Variants in PXDNL observed in about 807,000 individuals in gnomAD.
The protein encoded by PXDNL is probable oxidoreductase PXDNL.
In PXDNL, 145 loss-of-function variants were observed where a neutral mutation model predicts 150.8. The ratio of observed to expected loss-of-function variants is 0.96; its 90% CI spans 0.84 to 1.10. PXDNL has a LOEUF of 1.10. Among genes scored for constraint, PXDNL ranks in the 50% least tolerant of loss-of-function variants. The pLI is 0.00. For missense variants in PXDNL, 2,087 were observed against 1,873.9 expected (o/e 1.11, Z -2.10); for synonymous variants, 757 against 725.7 (o/e 1.04, Z -0.69).
At chr8:51,402,801 G>A (rs536353136) in intron 17 of PXDNL, among the ~76,000 whole-genome samples, 1 of 151,746 alleles carries the variant, frequency 6.6e-6, no homozygotes, top group East Asian at 2.0e-4. Flanking sequence ...GTGTAATCAC[G>A]CCTGTAATCC....
intron 14 of PXDNL, among the ~76,000 whole-genome samples, chr8:51,421,408 A>C (rs1043197088): frequency 2.0e-5 from 3 of 152,190 alleles, no homozygotes; most frequent in African/African-American, 4.8e-5. Context: ...TGTAACGTTA[A>C]GAAACTTTAG....
chr8:51,431,640 C>T (rs960657724), intron 12 of PXDNL, among the ~76,000 whole-genome samples: 1 of 152,150 alleles, frequency 6.6e-6, no homozygotes, highest in Non-Finnish European at 1.5e-5. Context: ...TCTATAATAT[C>T]GCTCATAGCT....
At chr8:51,330,219 G>T (rs1251669030) in intron 21 of PXDNL, among the ~76,000 whole-genome samples, 2 of 152,082 alleles carry the variant, frequency 1.3e-5, no homozygotes, top group Middle Eastern at 3.2e-3. Context: ...AGATAGCTGG[G>T]CATCCCATGA....
At chr8:51,702,897 C>T (rs1179389493) in intron 1 of PXDNL, among the ~76,000 whole-genome samples, 1 of 152,178 alleles carries the variant, frequency 6.6e-6, no homozygotes, top group Non-Finnish European at 1.5e-5. Context: ...TCTATTTCAA[C>T]ATAATCTATT....
intron 21 of PXDNL, among the ~76,000 whole-genome samples, chr8:51,326,172 G>T (rs548864477): frequency 6.6e-6 from 1 of 152,102 alleles, no homozygotes; most frequent in East Asian, 1.9e-4. Flanking sequence ...TGTTTTAAAC[G>T]TGATATCCAG....
intron 5 of PXDNL, among the ~76,000 whole-genome samples, chr8:51,499,006 T>C (rs1811119998): frequency 6.6e-6 from 1 of 152,170 alleles, no homozygotes; most frequent in Admixed American, 6.5e-5. Flanking sequence ...GCTGCTGCAA[T>C]ACAAGAACAC....
chr8:51,617,923 C>T (rs567536203), intron 2 of PXDNL, among the ~76,000 whole-genome samples: 3 of 152,340 alleles, frequency 2.0e-5, no homozygotes, highest in Admixed American at 6.5e-5. Flanking sequence ...TGCATGCAGG[C>T]GCACACGCAC....
intron 14 of PXDNL, among the ~76,000 whole-genome samples, chr8:51,417,619 CT>C (rs1369038509): frequency 6.6e-6 from 1 of 152,148 alleles, no homozygotes. Context: ...TATCCTCCCC[CT>C]TTTTCCCCCT....
Position 51,500,633 on chromosome 8 carries a change from A to G in PXDNL, c.381-863T>C, listed in dbSNP as rs537772115. On this transcript the variant is annotated intron_variant, in intron 4 of 22. Transcript: ENST00000356297. Reference sequence around the variant, plus strand: ...TTTTTCAAACAATCTCAGTGAAACCAACAGTGATATATAGCAGTCTATAGT... The same window carrying G: ...TTTTTCAAACAATCTCAGTGAAACCGACAGTGATATATAGCAGTCTATAGT... 2.0e-5 allele frequency among the ~76,000 whole-genome samples: 3 copies of G among 152,334 alleles called. No homozygotes were observed. The East Asian group carries it at 5.8e-4, about 29-fold the overall frequency.
At chr8:51,528,895 A>G (rs980113271) in intron 4 of PXDNL, among the ~76,000 whole-genome samples, 2 of 152,218 alleles carry the variant, frequency 1.3e-5, no homozygotes, top group Non-Finnish European at 2.9e-5. Context: ...GCATCCAGAA[A>G]GGAGCACACC....
chr8:51,359,341 TAAAC>T (rs1025105301), intron 19 of PXDNL, among the ~76,000 whole-genome samples: 2 of 152,190 alleles, frequency 1.3e-5, no homozygotes, highest in Non-Finnish European at 2.9e-5. Context: ...TCATAAAACT[TAAAC>T]AGATGATCAG....
At position 51,800,605 on chromosome 8, in the gene PXDNL, C is replaced by T. The variant is rs552236162; in HGVS notation, c.164+8576G>A. ...TGAACGGAGGGACCAGCTGGAGCCA[C>T]GGCAGAGGAACATAAATTGTGAAGA... is the stretch of plus-strand genomic sequence containing the variant. On this transcript the variant is annotated intron_variant, in intron 1 of 22. Transcript: ENST00000356297. Among the ~76,000 whole-genome samples the T allele has an allele frequency of 2.8e-4, 42 of 152,242 alleles. 1 individual carries two copies. The highest frequency in any genetic ancestry group is 8.5e-4 in the Admixed American group (13 of 15,296).
intron 1 of PXDNL, among the ~76,000 whole-genome samples, chr8:51,750,611 C>A (rs1217727525): frequency 6.6e-6 from 1 of 152,038 alleles, no homozygotes; most frequent in African/African-American, 2.4e-5. Flanking sequence ...CAGTGTAAAC[C>A]CAGGATAACA....
intron 1 of PXDNL, among the ~76,000 whole-genome samples, chr8:51,739,013 C>T (rs979933662): frequency 6.6e-6 from 1 of 152,064 alleles, no homozygotes; most frequent in African/African-American, 2.4e-5. Flanking sequence ...CAAATCAAAC[C>T]CAGCAAATAT....
At chr8:51,327,994 TG>T (rs1160944686) in intron 21 of PXDNL, among the ~76,000 whole-genome samples, 1 of 152,216 alleles carries the variant, frequency 6.6e-6, no homozygotes. Context: ...GAGTCAGCTT[TG>T]GGAGTGCTTT....
At chr8:51,596,999 T>C (rs990804189) in intron 2 of PXDNL, among the ~76,000 whole-genome samples, 2 of 152,160 alleles carry the variant, frequency 1.3e-5, no homozygotes, top group Non-Finnish European at 2.9e-5. Flanking sequence ...GCCCAGATGG[T>C]ATTTCGTAGG....
At chr8:51,770,139 C>A (rs2037277248) in intron 1 of PXDNL, among the ~76,000 whole-genome samples, 1 of 152,208 alleles carries the variant, frequency 6.6e-6, no homozygotes, top group African/African-American at 2.4e-5. Context: ...ATAAATGTCC[C>A]TAAAACACCA....
At chr8:51,520,981 G>A (rs1337919261) in intron 4 of PXDNL, among the ~76,000 whole-genome samples, 2 of 152,150 alleles carry the variant, frequency 1.3e-5, no homozygotes, top group African/African-American at 2.4e-5. Context: ...CAGCACTTCG[G>A]CTGGGTGGGA....
At chr8:51,701,553 G>A (rs1026943848) in intron 1 of PXDNL, among the ~76,000 whole-genome samples, 1 of 152,074 alleles carries the variant, frequency 6.6e-6, no homozygotes, top group African/African-American at 2.4e-5. Context: ...GATCCTCTTG[G>A]TTTTGAGCCT....
Sources: gnomAD v4.1 joint callset for allele counts (sites outside exome capture counted in the v4.1 genomes callset) on GRCh38, gnomAD v4.1.1 for gene constraint, MANE v1.5 for transcripts, NCBI Gene and HGNC (gene_info 2026-07-23, HGNC 2026-07-21) for gene names.